The following MTFR1 variants were observed in gnomAD, a reference collection of about 807,000 sequenced individuals.
MTFR1 encodes chondrocyte protein with a poly-proline region.
Under a neutral mutation model 38.8 loss-of-function variants are expected in MTFR1, and 28 were observed. The ratio of observed to expected loss-of-function variants is 0.72; its 90% CI spans 0.53 to 0.99. MTFR1 has a LOEUF of 0.99. Among genes scored for constraint, MTFR1 ranks in the 50% least tolerant of loss-of-function variants. The pLI is 0.00. For missense variants in MTFR1, 358 were observed against 395.5 expected (o/e 0.91, Z 0.81); for synonymous variants, 145 against 137.0 (o/e 1.06, Z -0.41).
rs181411349 is a variant in MTFR1 at position 65,750,933 on chromosome 8, C to G, written c.*49-20014C>G. Among the ~76,000 whole-genome samples the G allele has an allele frequency of 1.3e-4, 20 of 152,280 alleles. 1 individual carries two copies. In the East Asian group the frequency reaches 2.1e-3, roughly 16 times the overall value. ...GACTCACAAGGAAATGATCACTCAT[C>G]ATGGAAGCCCAATGCCTTCTAAGAT... On this transcript the variant is annotated intron_variant, in intron 3 of 3. Coordinates refer to the MTFR1 transcript ENST00000521247.
chr8:65,655,954 ATATATATATATATACCATAT>A (rs1809247694), intron 1 of MTFR1, among the ~76,000 whole-genome samples: 1 of 29,830 alleles, frequency 3.4e-5, no homozygotes, highest in Admixed American at 2.7e-4. Context: ...AAAAAAAAAT[ATATATATATATATACCATAT>A]ATATATATAT....
At chr8:65,736,468 C>T (rs1807130685) in intron 3 of MTFR1, among the ~76,000 whole-genome samples, 1 of 152,074 alleles carries the variant, frequency 6.6e-6, no homozygotes, top group Non-Finnish European at 1.5e-5. Context: ...AAAAGTTTCT[C>T]AAGGCCAGGT....
At chr8:65,691,042 T>A (rs1805260230) in intron 3 of MTFR1, among the ~76,000 whole-genome samples, 1 of 152,176 alleles carries the variant, frequency 6.6e-6, no homozygotes, top group South Asian at 2.1e-4. Flanking sequence ...CCAGTTGTGT[T>A]ATTTAAGTTG....
intron 1 of MTFR1, among the ~76,000 whole-genome samples, chr8:65,653,043 C>A (rs1295619323): frequency 1.3e-5 from 2 of 152,102 alleles, no homozygotes; most frequent in African/African-American, 4.8e-5. Flanking sequence ...TTAGGTGGAA[C>A]AAGAATCAAC....
intron 3 of MTFR1, among the ~76,000 whole-genome samples, chr8:65,731,147 C>G (rs1273029696): frequency 6.6e-6 from 1 of 152,072 alleles, no homozygotes; most frequent in African/African-American, 2.4e-5. Flanking sequence ...TGTCAGGTTC[C>G]CATATGTTTT....
At chr8:65,724,205 A>G (rs760523614) in intron 3 of MTFR1, 7 of 960,946 alleles carry the variant, frequency 7.3e-6, no homozygotes, top group Non-Finnish European at 1.1e-5. Context: ...TTACGATGTT[A>G]AAAAAAAATG....
chr8:65,744,933 G>A (rs181117832), intron 3 of MTFR1, among the ~76,000 whole-genome samples: 483 of 152,272 alleles, frequency 3.2e-3, no homozygotes, highest in Non-Finnish European at 5.1e-3. Flanking sequence ...CCCTGATATG[G>A]TTTGGCTGTG....
intron 3 of MTFR1, among the ~76,000 whole-genome samples, chr8:65,691,140 C>T (rs1479489464): frequency 6.6e-6 from 1 of 152,132 alleles, no homozygotes; most frequent in Non-Finnish European, 1.5e-5. Flanking sequence ...GATCTTATAC[C>T]TTGAGAATTT....
At position 65,746,249 on chromosome 8, in the gene MTFR1, A is replaced by G. The variant is rs890073523; in HGVS notation, c.*49-24698A>G. ...GCACCCAGCCCAGGCATTGTTTTCAATTCTCATTTTAGGGACGTAGAAACA... is the reference window on the plus strand; with the variant it reads ...GCACCCAGCCCAGGCATTGTTTTCAGTTCTCATTTTAGGGACGTAGAAACA... On this transcript the variant is annotated intron_variant, in intron 3 of 3. Transcript: ENST00000521247. 5.9e-5 allele frequency among the ~76,000 whole-genome samples: 9 copies of G among 152,110 alleles called. No homozygotes were observed. The East Asian group carries it at 1.5e-3, about 26-fold the overall frequency.
At chr8:65,715,928 C>T (rs377756807) in intron 2 of MTFR1, among the ~76,000 whole-genome samples, 22 of 133,302 alleles carry the variant, frequency 1.7e-4, no homozygotes, top group African/African-American at 5.8e-4. Context: ...ACCCGGGAGG[C>T]GGAACTTGCA....
chr8:65,747,207 A>C (rs369891811), intron 3 of MTFR1, among the ~76,000 whole-genome samples: 81 of 152,198 alleles, frequency 5.3e-4, no homozygotes, highest in Admixed American at 1.6e-3. Flanking sequence ...CACACACACA[A>C]AAAAGAGAGA....
intron 1 of MTFR1, 82 bp downstream of exon 1, chr8:65,644,866 T>G (rs1808906343): frequency 6.6e-6 from 1 of 152,422 alleles, no homozygotes; most frequent in African/African-American, 2.4e-5. Context: ...TGGGATGCCC[T>G]GGAAACAGTC....
chr8:65,758,092 G>C lies in MTFR1; in HGVS notation c.*49-12855G>C, dbSNP rs746072384. Among the ~76,000 whole-genome samples, 7 of 152,160 alleles carry C rather than the reference G, an allele frequency of 4.6e-5. No individual in the cohort carries two copies. In the South Asian group the frequency reaches 1.2e-3, roughly 27 times the overall value. Reference sequence around the variant, plus strand: ...GTCTCTGTGCTAGTCCAGATTGCTGGTTGTAATACTAGTCTAGCAAGTGCC... The same window carrying C: ...GTCTCTGTGCTAGTCCAGATTGCTGCTTGTAATACTAGTCTAGCAAGTGCC... On this transcript the variant is annotated intron_variant, in intron 3 of 3. Transcript: ENST00000521247.
chr8:65,664,683 G>A (rs1214726461), intron 1 of MTFR1, among the ~76,000 whole-genome samples: 1 of 126,640 alleles, frequency 7.9e-6, no homozygotes, highest in African/African-American at 3.0e-5. Flanking sequence ...TGCAACTTTT[G>A]CCTCCCGCGT....
chr8:65,748,776 T>C (rs537395588), intron 3 of MTFR1, among the ~76,000 whole-genome samples: 83 of 152,260 alleles, frequency 5.5e-4, no homozygotes, highest in African/African-American at 1.9e-3. Flanking sequence ...GGCAATAATA[T>C]CTAATTTAAG....
intron 3 of MTFR1, among the ~76,000 whole-genome samples, chr8:65,734,051 T>A (rs1807021198): frequency 6.6e-6 from 1 of 152,180 alleles, no homozygotes; most frequent in African/African-American, 2.4e-5. Context: ...CTTCTATACT[T>A]CAGACTCTTT....
intron 1 of MTFR1, among the ~76,000 whole-genome samples, chr8:65,647,672 C>G (rs1277787546): frequency 6.6e-6 from 1 of 152,084 alleles, no homozygotes; most frequent in African/African-American, 2.4e-5. Context: ...TTGGGCCATC[C>G]TGGTGATGAG....
chr8:65,668,503 C>CT (rs907385912), intron 1 of MTFR1, among the ~76,000 whole-genome samples: 1 of 141,748 alleles, frequency 7.1e-6, no homozygotes, highest in East Asian at 2.0e-4. Context: ...GGAAGATTTT[C>CT]TTTTTTTTGT....
intron 2 of MTFR1, among the ~76,000 whole-genome samples, chr8:65,716,165 A>C (rs1585813150): frequency 6.7e-6 from 1 of 149,854 alleles, no homozygotes; most frequent in African/African-American, 2.5e-5. Context: ...AAAAAAAAAC[A>C]AAAGGGCTAT....
Sources: allele counts gnomAD v4.1 joint callset (sites outside exome capture counted in the v4.1 genomes callset), GRCh38; gene constraint gnomAD v4.1.1; transcripts MANE v1.5; gene names NCBI Gene and HGNC (gene_info 2026-07-23, HGNC 2026-07-21).